The following MYBPC1 variants were observed in gnomAD, a reference collection of about 807,000 sequenced individuals.
MYBPC1 encodes myosin binding protein C1.
MYBPC1 carries 52 observed loss-of-function variants against 147.1 expected under a neutral mutation model. The ratio of observed to expected loss-of-function variants is 0.35; its 90% confidence interval spans 0.28 to 0.45. The LOEUF (loss-of-function observed/expected upper bound fraction) is 0.45, where lower values mean the gene tolerates loss of function less well. MYBPC1 is among the 20% of genes least tolerant of loss of function. The pLI is 1.00. For missense variants in MYBPC1, 1,228 were observed against 1,440.3 expected (o/e 0.85, Z 2.39); for synonymous variants, 477 against 475.9 (o/e 1.00, Z -0.03).
rs62824364 is a variant in MYBPC1, at chr12:101,674,862, C to CAAAAAAAAAAAAAAAAAAAAA, written c.2810-428_2810-408dup. 2.8e-4 allele frequency among the ~76,000 whole-genome samples: 17 copies of CAAAAAAAAAAAAAAAAAAAAA among 59,840 alleles called. 1 individual carries two copies. Among genetic ancestry groups the CAAAAAAAAAAAAAAAAAAAAA allele is most frequent in the African/African-American group, 1.4e-3 (17 of 12,140 alleles). The allele number at this position is 59,840 out of a possible 152,430, so 39.3% of individuals were successfully genotyped here. On this transcript the variant is annotated intron_variant, in intron 25 of 31. Coordinates refer to ENST00000361466, the MANE Select transcript of MYBPC1 (RefSeq NM_002465.4). ...GGGTGACAGACCATGACTCTGTCTCCAAAAAAAAAAAAAAAAAAAAAAGGA... is the reference window on the plus strand; with the variant it reads ...GGGTGACAGACCATGACTCTGTCTCCAAAAAAAAAAAAAAAAAAAAAAAAAAAAAAAAAAAAAAAAAAAGGA...
At chr12:101,666,202 A>T (rs887056283) in intron 22 of MYBPC1, 4 of 164,558 alleles carry the variant, frequency 2.4e-5, no homozygotes, top group African/African-American at 7.2e-5. Flanking sequence ...CTCCAATTCT[A>T]TTCAGAACTT....
At chr12:101,673,934 T>C (rs1899277121) in intron 25 of MYBPC1, among the ~76,000 whole-genome samples, 1 of 151,984 alleles carries the variant, frequency 6.6e-6, no homozygotes, top group Admixed American at 6.6e-5. Flanking sequence ...GCACCTGTAA[T>C]CCCAGCTACT....
intron 3 of MYBPC1, among the ~76,000 whole-genome samples, chr12:101,625,823 C>T (rs1593747920): frequency 6.6e-6 from 1 of 151,994 alleles, no homozygotes. Context: ...CGGTGGCTCA[C>T]GCCTGTAATC....
chr12:101,687,067 T>C (rs1372246281), downstream of MYBPC1, among the ~76,000 whole-genome samples: 3 of 151,710 alleles, frequency 2.0e-5, no homozygotes, highest in South Asian at 4.1e-4. Context: ...CCCATTGTTT[T>C]TATATATATA....
chr12:101,635,853 A>C (rs1003659489), intron 9 of MYBPC1, among the ~76,000 whole-genome samples: 1 of 152,250 alleles, frequency 6.6e-6, no homozygotes, highest in Non-Finnish European at 1.5e-5. Flanking sequence ...TCCTTAAAAA[A>C]TTAAACATGT....
At chr12:101,615,777 G>A (rs959266865) in intron 2 of MYBPC1, among the ~76,000 whole-genome samples, 11 of 150,450 alleles carry the variant, frequency 7.3e-5, no homozygotes, top group African/African-American at 2.7e-4. Context: ...TTAGGTGAAA[G>A]CAGGAGTTTG....
downstream of MYBPC1, among the ~76,000 whole-genome samples, chr12:101,686,283 G>A (rs558720230): frequency 1.3e-5 from 2 of 152,198 alleles, no homozygotes; most frequent in Admixed American, 1.3e-4. Context: ...GTTGTATGCC[G>A]AGACACAAAA....
At chr12:101,617,546 GTCT>G (rs1886412717) in intron 3 of MYBPC1, among the ~76,000 whole-genome samples, 1 of 152,042 alleles carries the variant, frequency 6.6e-6, no homozygotes, top group Non-Finnish European at 1.5e-5. Flanking sequence ...GAGGTGTTTG[GTCT>G]TCTTAGGATT....
At chr12:101,665,594 A>T (rs2136537695) in intron 22 of MYBPC1, among the ~76,000 whole-genome samples, 1 of 152,234 alleles carries the variant, frequency 6.6e-6, no homozygotes, top group East Asian at 1.9e-4. Context: ...CATGTTAAAT[A>T]ACTTACATGT....
chr12:101,639,343 C>G (rs957637841), intron 10 of MYBPC1, among the ~76,000 whole-genome samples: 4 of 152,200 alleles, frequency 2.6e-5, no homozygotes, highest in Non-Finnish European at 5.9e-5. Context: ...TTTCTCCTCA[C>G]TGTAACTTAA....
chr12:101,668,358 G>T (rs1897883177), intron 23 of MYBPC1, among the ~76,000 whole-genome samples: 1 of 152,128 alleles, frequency 6.6e-6, no homozygotes, highest in African/African-American at 2.4e-5. Context: ...TGATACCTTA[G>T]TATGAAATCA....
chr12:101,687,702 G>A (rs10128995), downstream of MYBPC1, among the ~76,000 whole-genome samples: 281 of 152,250 alleles, frequency 1.8e-3, no homozygotes, highest in African/African-American at 6.6e-3. Context: ...CCAGCTGCTG[G>A]GTCTTAGCCA....
chr12:101,660,239 T>TA (rs1362582480), intron 19 of MYBPC1: 2 of 275,876 alleles, frequency 7.2e-6, no homozygotes, highest in Non-Finnish European at 1.4e-5. Context: ...CTTCTTACTT[T>TA]AGTTTCTCCT....
intron 29 of MYBPC1, among the ~76,000 whole-genome samples, chr12:101,681,719 G>A (rs1473201504): frequency 2.8e-5 from 4 of 142,960 alleles, no homozygotes; most frequent in African/African-American, 5.2e-5. Context: ...AGCAATTCTC[G>A]TGCCTCAGCC....
Position 101,673,570 on chromosome 12 carries a change from A to T in MYBPC1, c.2757A>T (p.Gln919His). Residue 919 changes from glutamine (Q) to histidine (H), a missense_variant, in exon 25 of 32, where the codon CAA becomes CAT. This residue lies in a region of MYBPC1 where 1,077 missense variants were observed against 1,314.2 expected (regional missense o/e 0.82). Transcript: ENST00000361466. ...ERSHSGKYDL[Q>H]VKVDKFVETA... Reference sequence around the variant, plus strand: ...GCCACTCTGGGAAATATGATCTGCAAGTCAAAGTGGACAAATTCGTGGAGA... The same window carrying T: ...GCCACTCTGGGAAATATGATCTGCATGTCAAAGTGGACAAATTCGTGGAGA... 1 of 1,614,184 alleles carries T rather than the reference A, an allele frequency of 6.2e-7. No homozygotes were observed. Among genetic ancestry groups the T allele is most frequent in the Non-Finnish European group, 8.5e-7 (1 of 1,180,014 alleles).
At chr12:101,662,683 A>C (rs896875838) in intron 21 of MYBPC1, 137 bp downstream of exon 21, 1 of 900,858 alleles carries the variant, frequency 1.1e-6, no homozygotes, top group Non-Finnish European at 1.7e-6. Context: ...ACAGTTAGGT[A>C]CAATTTTATG....
chr12:101,639,062 G>A (rs1024895194), intron 10 of MYBPC1, among the ~76,000 whole-genome samples: 11 of 152,214 alleles, frequency 7.2e-5, no homozygotes, highest in Non-Finnish European at 1.5e-4. Context: ...TCTGTACAAC[G>A]AAAGATCTTC....
chr12:101,638,547 C>G (rs1259632853), intron 10 of MYBPC1, among the ~76,000 whole-genome samples: 3 of 152,092 alleles, frequency 2.0e-5, no homozygotes, highest in Non-Finnish European at 4.4e-5. Context: ...TATGTACTTC[C>G]TCTAAGGAAA....
downstream of MYBPC1, among the ~76,000 whole-genome samples, chr12:101,686,608 G>A (rs570832277): frequency 1.3e-5 from 2 of 152,244 alleles, no homozygotes; most frequent in East Asian, 3.9e-4. Context: ...GAACTGTAAG[G>A]TACCACAGCA....
Sources: allele counts gnomAD v4.1 joint callset (sites outside exome capture counted in the v4.1 genomes callset), GRCh38; gene constraint gnomAD v4.1.1; regional missense constraint gnomAD v4.1.1; transcripts MANE v1.5; gene names NCBI Gene and HGNC (gene_info 2026-07-23, HGNC 2026-07-21).